The following SLC24A4 variants were observed in gnomAD, a reference collection of about 807,000 sequenced individuals.
The protein encoded by SLC24A4 is solute carrier family 24 member 4, also known as sodium/potassium/calcium exchanger 4.
Under a neutral mutation model 79.0 loss-of-function variants are expected in SLC24A4, and 53 were observed. The ratio of observed to expected loss-of-function variants is 0.67; its 90% CI spans 0.54 to 0.84. The LOEUF (loss-of-function observed/expected upper bound fraction) is 0.84, where lower values mean the gene tolerates loss of function less well. SLC24A4 is among the 40% of genes least tolerant of loss of function. The probability of loss-of-function intolerance (pLI) is 0.00; values close to 1 mark genes in which losing one functional copy is unlikely to be tolerated. For missense variants in SLC24A4, 731 were observed against 822.0 expected (o/e 0.89, Z 1.35); for synonymous variants, 323 against 323.8 (o/e 1.00, Z 0.03).
In SLC24A4 at chr14:92,442,069, T is replaced by C; in HGVS notation, c.394-20T>C. ...ACCCCCACGTCACACCCTGAGGGTC[T>C]GTGGTCACTTCCGTTTCAGAGACTC... On this transcript the variant is annotated intron_variant, in intron 4 of 16. Coordinates refer to ENST00000532405, the MANE Select transcript of SLC24A4 (RefSeq NM_153646.4). The C allele has an allele frequency of 6.2e-7, 1 of 1,606,856 alleles. No homozygotes were observed. The highest frequency in any genetic ancestry group is 8.5e-7 in the Non-Finnish European group (1 of 1,173,796).
intron 12 of SLC24A4, among the ~76,000 whole-genome samples, chr14:92,460,108 T>C (rs946718791): frequency 1.3e-5 from 2 of 152,100 alleles, no homozygotes; most frequent in Non-Finnish European, 2.9e-5. Context: ...TGTCAAGGAA[T>C]GAGTCTAGCC....
intron 12 of SLC24A4, among the ~76,000 whole-genome samples, chr14:92,464,940 A>G (rs1595331946): frequency 6.6e-6 from 1 of 152,154 alleles, no homozygotes; most frequent in African/African-American, 2.4e-5. Flanking sequence ...CAACAACTAC[A>G]CAGCAGAGTG....
intron 2 of SLC24A4, among the ~76,000 whole-genome samples, chr14:92,380,675 C>T (rs868036346): frequency 5.3e-5 from 8 of 152,238 alleles, no homozygotes; most frequent in Admixed American, 6.5e-5. Flanking sequence ...TTGCGGCTCC[C>T]GCCCAGGGTC....
At position 92,484,874 on chromosome 14, in the gene SLC24A4, G is replaced by A. The variant is rs1320237223; in HGVS notation, c.1423-1792G>A. The A allele has an allele frequency of 1.4e-5, 14 of 985,282 alleles. No individual in the cohort carries two copies. In the South Asian group the frequency reaches 3.3e-4, roughly 23 times the overall value. 61.0% of individuals were successfully genotyped at this position (985,282 alleles called of 1,614,324 possible). A position where few individuals can be genotyped will look rare whatever the true frequency, so the allele number is the denominator to read the frequency against. The stretch of plus-strand genomic sequence containing the variant: ...TGGTAACAGTCAGATGATCATGAGC[G>A]TTGCTGAATAATACACAGTTTGGCC... On this transcript the variant is annotated intron_variant, in intron 13 of 16. Coordinates refer to ENST00000532405, the MANE Select transcript of SLC24A4 (RefSeq NM_153646.4).
intron 2 of SLC24A4, among the ~76,000 whole-genome samples, chr14:92,377,723 G>C (rs12431574): frequency 6.6e-6 from 1 of 152,070 alleles, no homozygotes. Context: ...ATCTGAATGT[G>C]CCAGTGGGCT....
intron 2 of SLC24A4, among the ~76,000 whole-genome samples, chr14:92,387,843 G>C (rs1373833350): frequency 6.6e-6 from 1 of 152,236 alleles, no homozygotes; most frequent in African/African-American, 2.4e-5. Flanking sequence ...ATTTCACTTA[G>C]CATGAGTCAC....
intron 14 of SLC24A4, among the ~76,000 whole-genome samples, chr14:92,487,192 T>A (rs926260787): frequency 2.0e-5 from 3 of 152,190 alleles, no homozygotes; most frequent in Non-Finnish European, 4.4e-5. Context: ...CTAGAACGTG[T>A]ATAATGTTTT....
chr14:92,443,437 C>T lies in SLC24A4; in HGVS notation c.620C>T (p.Ser207Phe). The stretch of plus-strand genomic sequence containing the variant: ...ACGTGGTGGGCCGTGTGCCGAGACT[C>T]CGTGTACTACACCATCTCTGTCATC... ...RLTWWAVCRD[S>F]VYYTISVIVL... The change falls in exon 7 of 17, where the codon TCC becomes TTC. Residue 207 changes from serine (S) to phenylalanine (F), a missense_variant. By Grantham distance (155) the Ser-to-Phe change is radical. Transcript: ENST00000532405. 1.2e-6 allele frequency: 2 copies of T among 1,614,182 alleles called. No homozygotes were observed. Among genetic ancestry groups the T allele is most frequent in the Non-Finnish European group, 1.7e-6 (2 of 1,180,028 alleles).
intron 2 of SLC24A4, among the ~76,000 whole-genome samples, chr14:92,397,182 G>T (rs562233980): frequency 7.2e-5 from 11 of 152,206 alleles, no homozygotes; most frequent in Non-Finnish European, 1.0e-4. Flanking sequence ...TTGGAGGGTG[G>T]TGTGAAATCT....
chr14:92,335,385 A>T (rs1348869202), intron 2 of SLC24A4, among the ~76,000 whole-genome samples: 1 of 151,644 alleles, frequency 6.6e-6, no homozygotes, highest in Non-Finnish European at 1.5e-5. Context: ...ACAAAGTTTC[A>T]CTCTTGTTGC....
chr14:92,418,845 G>A lies in SLC24A4; in HGVS notation c.242-15067G>A, dbSNP rs192809703. ...GCCTCCTGAGTAGCTGGGATTATAGGCACCTGCCACCACGCCTGGCTAATT... is the reference window on the plus strand; with the variant it reads ...GCCTCCTGAGTAGCTGGGATTATAGACACCTGCCACCACGCCTGGCTAATT... On this transcript the variant is annotated intron_variant, in intron 2 of 16. Coordinates refer to ENST00000532405, the MANE Select transcript of SLC24A4 (RefSeq NM_153646.4). 4.1e-3 allele frequency among the ~76,000 whole-genome samples: 631 copies of A among 152,256 alleles called. 6 individuals are homozygous for A. Among genetic ancestry groups the A allele is most frequent in the African/African-American group, 0.015 (612 of 41,536 alleles).
rs544102597 is a variant in SLC24A4, at chr14:92,482,705, G to A, written c.1281G>A (p.Trp427Ter). 3 of 1,613,762 alleles carry A rather than the reference G, an allele frequency of 1.9e-6. No individual in the cohort carries two copies. The highest frequency in any genetic ancestry group is 2.2e-5 in the East Asian group (1 of 44,860). Residue 427 changes from tryptophan (W) to a stop codon, truncating the protein, a stop_gained, in exon 13 of 17, where the codon TGG becomes TGA. Transcript: ENST00000532405. LOFTEE classifies it high-confidence loss of function. ...VPEARGDKVK[W>*]VFTWPLIFLL... ...AGGCCAGAGGGGACAAGGTCAAGTG[G>A]GTGTTCACCTGGCCCCTCATCTTCC...
At position 92,443,476 on chromosome 14, in the gene SLC24A4, T is replaced by C; in HGVS notation, c.657+2T>C. On this transcript the variant is annotated splice_donor_variant, in intron 7 of 16. Transcript: ENST00000532405. LOFTEE classifies it high-confidence loss of function. ...ATCTCTGTCATCGTGCTCATCGTGG[T>C]GAGTTGCCCCTCTGCCCCCAAGGTC... is the stretch of plus-strand genomic sequence containing the variant. 6.2e-7 allele frequency: 1 copy of C among 1,614,132 alleles called. No homozygotes were observed. Among genetic ancestry groups the C allele is most frequent in the Non-Finnish European group, 8.5e-7 (1 of 1,180,010 alleles).
At chr14:92,355,989 G>A (rs536993819) in intron 2 of SLC24A4, among the ~76,000 whole-genome samples, 6 of 152,278 alleles carry the variant, frequency 3.9e-5, no homozygotes, top group African/African-American at 1.4e-4. Context: ...TTGACTTTAC[G>A]ATGGCATGAA....
Position 92,354,548 on chromosome 14 carries a change from C to T in SLC24A4, c.241+28570C>T, listed in dbSNP as rs185303239. 2.0e-5 allele frequency among the ~76,000 whole-genome samples: 3 copies of T among 152,284 alleles called. No homozygotes were observed. The East Asian group carries it at 5.8e-4, about 29-fold the overall frequency. ...TTACAGTCTCATGGAGAGGAAACAG[C>T]AAGTAGGCAAAGTATCTGATGTGCT... On this transcript the variant is annotated intron_variant, in intron 2 of 16. Coordinates refer to ENST00000532405, the MANE Select transcript of SLC24A4 (RefSeq NM_153646.4).
intron 2 of SLC24A4, among the ~76,000 whole-genome samples, chr14:92,331,018 A>T (rs1468404648): frequency 6.6e-6 from 1 of 152,204 alleles, no homozygotes; most frequent in Non-Finnish European, 1.5e-5. Flanking sequence ...AATGAGAGAC[A>T]CCAGGGGGAC....
intron 2 of SLC24A4, among the ~76,000 whole-genome samples, chr14:92,329,656 G>T (rs1263235365): frequency 6.6e-6 from 1 of 152,172 alleles, no homozygotes; most frequent in African/African-American, 2.4e-5. Flanking sequence ...CCGAGTAGCT[G>T]GGACCACAGG....
At position 92,494,988 on chromosome 14, in the gene SLC24A4, T is replaced by A. The variant is rs1189910477; in HGVS notation, c.*1360T>A. 6 of 152,694 alleles carry A rather than the reference T, an allele frequency of 3.9e-5. No homozygotes were observed. The highest frequency in any genetic ancestry group is 7.3e-5 in the Non-Finnish European group (5 of 68,046). 9.5% of individuals were successfully genotyped at this position (152,694 alleles called of 1,614,324 possible). A position where few individuals can be genotyped will look rare whatever the true frequency, so the allele number is the denominator to read the frequency against. ...CAATTAATTTTATAGAGAGGTTTTT[T>A]ATTTTTTTAATATTTCTATTGCAAA... On this transcript the variant is annotated 3_prime_UTR_variant, in exon 17 of 17. Coordinates refer to ENST00000532405, the MANE Select transcript of SLC24A4 (RefSeq NM_153646.4). This position sits in a 1 kb window ranked among gnomAD's most constrained non-coding sequence, Gnocchi z 4.6.
intron 2 of SLC24A4, among the ~76,000 whole-genome samples, chr14:92,414,515 C>T (rs985470530): frequency 1.3e-5 from 2 of 152,180 alleles, no homozygotes; most frequent in African/African-American, 2.4e-5. Context: ...GTGGGAGGAT[C>T]CGTTAAGTCC....
Sources: gnomAD v4.1 joint callset for allele counts (sites outside exome capture counted in the v4.1 genomes callset) on GRCh38, gnomAD v4.1.1 for gene constraint, Gnocchi (gnomAD v3.1) non-coding constraint, MANE v1.5 for transcripts, NCBI Gene and HGNC (gene_info 2026-07-23, HGNC 2026-07-21) for gene names.